The following SGTB variants were observed in gnomAD, a reference collection of about 807,000 sequenced individuals.
SGTB encodes small glutamine rich tetratricopeptide repeat co-chaperone beta.
Under a neutral mutation model 43.9 loss-of-function variants are expected in SGTB, and 19 were observed. The observed-to-expected ratio is 0.43, with a 90% CI of 0.30 to 0.63. The LOEUF is 0.63. SGTB is among the 30% of genes least tolerant of loss of function. SGTB has a pLI of 0.12. For synonymous variants in SGTB, 116 were observed against 117.3 expected (o/e 0.99, Z 0.07); for missense variants, 304 against 358.9 (o/e 0.85, Z 1.24).
intron 5 of SGTB, among the ~76,000 whole-genome samples, chr5:65,695,736 A>G (rs1757702991): frequency 1.3e-5 from 2 of 152,216 alleles, no homozygotes; most frequent in South Asian, 2.1e-4. Flanking sequence ...GCATAAATAA[A>G]TTATGGCAAA....
intron 3 of SGTB, 132 bp from the exon 4 acceptor site, chr5:65,708,690 A>G (rs1203663215): frequency 1.7e-6 from 1 of 583,184 alleles, no homozygotes. Context: ...CAACTTCCTA[A>G]ATAATAGTAT....
Position 65,720,834 on chromosome 5 carries a change from A to G in SGTB, c.-22-5T>C. ...TTAGAAGCTTAAACACTTTTCCTTGATAAGAAAAATGAAAACACTGAACTA... is the reference window on the plus strand; with the variant it reads ...TTAGAAGCTTAAACACTTTTCCTTGGTAAGAAAAATGAAAACACTGAACTA... On this transcript the variant is annotated splice_region_variant and splice_polypyrimidine_tract_variant and intron_variant, in intron 1 of 10. Transcript: ENST00000381007. The G allele has an allele frequency of 6.3e-7, 1 of 1,598,912 alleles. No individual in the cohort carries two copies.
At chr5:65,688,062 C>T (rs186695696) in intron 5 of SGTB, among the ~76,000 whole-genome samples, 1 of 152,192 alleles carries the variant, frequency 6.6e-6, no homozygotes, top group Non-Finnish European at 1.5e-5. Context: ...AGCCACTGCA[C>T]CTGGCCAGGA....
At chr5:65,714,579 C>T (rs371203151) in intron 2 of SGTB, among the ~76,000 whole-genome samples, 1 of 152,174 alleles carries the variant, frequency 6.6e-6, no homozygotes, top group Non-Finnish European at 1.5e-5. Flanking sequence ...CTTTGGGAGG[C>T]TGAGGCAGGC....
intron 5 of SGTB, among the ~76,000 whole-genome samples, chr5:65,686,512 C>T (rs974410911): frequency 6.6e-6 from 1 of 150,718 alleles, no homozygotes; most frequent in Non-Finnish European, 1.5e-5. Context: ...TCTTTACCCA[C>T]ATTTGTTTTT....
At chr5:65,694,887 G>A (rs1442755563) in intron 5 of SGTB, among the ~76,000 whole-genome samples, 1 of 152,140 alleles carries the variant, frequency 6.6e-6, no homozygotes, top group Non-Finnish European at 1.5e-5. Flanking sequence ...TATGACATGT[G>A]CATAGGTAGT....
intron 2 of SGTB, among the ~76,000 whole-genome samples, chr5:65,719,740 C>T (rs773501896): frequency 3.3e-5 from 5 of 152,178 alleles, no homozygotes; most frequent in Non-Finnish European, 7.4e-5. Flanking sequence ...AGAACAAAGA[C>T]GGTGTCGAGG....
In SGTB at chr5:65,722,062, AGACCCCAG is replaced by A. The variant is rs571430955; in HGVS notation, c.-176_-169del. ...CAAACTTCCCCGGCCCCTAGGCCGT[AGACCCCAG>A]AACCCACCAGGCTGTGCTCTCTCTC... is the stretch of plus-strand genomic sequence containing the variant. On this transcript the variant is annotated 5_prime_UTR_variant, in exon 1 of 11. Transcript: ENST00000381007. 2.2e-3 allele frequency: 353 copies of A among 160,328 alleles called. 4 individuals carry two copies. Among genetic ancestry groups the A allele is most frequent in the African/African-American group, 7.7e-3 (322 of 41,790 alleles). 9.9% of individuals were successfully genotyped at this position (160,328 alleles called of 1,614,324 possible).
chr5:65,696,046 C>A (rs550837298), intron 5 of SGTB, among the ~76,000 whole-genome samples: 117 of 152,296 alleles, frequency 7.7e-4, no homozygotes, highest in Middle Eastern at 3.4e-3. Context: ...AATAATGAGG[C>A]CTCTGTTCCC....
chr5:65,681,546 C>A (rs972060835), intron 6 of SGTB, among the ~76,000 whole-genome samples: 2 of 151,990 alleles, frequency 1.3e-5, no homozygotes, highest in Non-Finnish European at 2.9e-5. Flanking sequence ...TTATCGGAAC[C>A]TAATTCATTT....
intron 2 of SGTB, among the ~76,000 whole-genome samples, chr5:65,719,449 C>T (rs2081169): frequency 1.3e-5 from 2 of 151,676 alleles, no homozygotes; most frequent in South Asian, 2.1e-4. Flanking sequence ...AAAACTTAGC[C>T]GGGTGTGGTA....
chr5:65,679,585 C>G (rs987675745), intron 8 of SGTB, among the ~76,000 whole-genome samples: 5 of 152,214 alleles, frequency 3.3e-5, no homozygotes, highest in African/African-American at 1.2e-4. Context: ...CCATTGCACT[C>G]CAGACTGGGT....
intron 5 of SGTB, among the ~76,000 whole-genome samples, chr5:65,685,826 T>C (rs1022989601): frequency 1.3e-5 from 2 of 152,360 alleles, no homozygotes. Context: ...GAGTGAGTTA[T>C]TGCTGTGAAT....
chr5:65,672,153 G>A (rs1304179598), intron 9 of SGTB, 91 bp downstream of exon 9: 6 of 1,594,054 alleles, frequency 3.8e-6, no homozygotes, highest in African/African-American at 1.3e-5. Flanking sequence ...ATTCAGAACA[G>A]TTTCATCATT....
At chr5:65,682,008 A>C (rs1673589494) in intron 6 of SGTB, among the ~76,000 whole-genome samples, 1 of 152,038 alleles carries the variant, frequency 6.6e-6, no homozygotes, top group Admixed American at 6.6e-5. Flanking sequence ...TTCTGTCTTT[A>C]AGAAAATTTC....
At chr5:65,720,388 T>A (rs1284145504) in intron 2 of SGTB, among the ~76,000 whole-genome samples, 2 of 152,166 alleles carry the variant, frequency 1.3e-5, no homozygotes, top group Non-Finnish European at 2.9e-5. Context: ...GGCCCTGGTT[T>A]TATTTTCTCA....
At chr5:65,713,120 T>C in intron 2 of SGTB, 56 bp from the exon 3 acceptor site, 1 of 167,314 alleles carries the variant, frequency 6.0e-6, no homozygotes, top group Non-Finnish European at 9.1e-6. Context: ...AAGAAACAAG[T>C]TTTTTTTTTC....
rs192994368 is a variant in SGTB at position 65,709,850 on chromosome 5, T to C, written c.205-1292A>G. Among the ~76,000 whole-genome samples the C allele has an allele frequency of 2.0e-4, 30 of 152,346 alleles. No homozygotes were observed. In the East Asian group the frequency reaches 4.4e-3, roughly 23 times the overall value. On this transcript the variant is annotated intron_variant, in intron 3 of 10. Transcript: ENST00000381007. Reference sequence around the variant, plus strand: ...TCCTAGCTTAAGCAATCCTCCCACGTTGGCTTCCCAAAGTGTTGGGATTAT... The same window carrying C: ...TCCTAGCTTAAGCAATCCTCCCACGCTGGCTTCCCAAAGTGTTGGGATTAT...
intron 5 of SGTB, among the ~76,000 whole-genome samples, chr5:65,693,809 C>CA (rs1757664824): frequency 6.6e-6 from 1 of 151,904 alleles, no homozygotes; most frequent in Non-Finnish European, 1.5e-5. Context: ...TAATAAATTG[C>CA]AAAAATGGAA....
Sources: allele counts gnomAD v4.1 joint callset (sites outside exome capture counted in the v4.1 genomes callset), GRCh38; gene constraint gnomAD v4.1.1; transcripts MANE v1.5; gene names NCBI Gene and HGNC (gene_info 2026-07-23, HGNC 2026-07-21).